The following CHST9 variants were observed in gnomAD, a reference collection of about 807,000 sequenced individuals.
The protein encoded by CHST9 is carbohydrate sulfotransferase 9.
CHST9 carries 41 observed loss-of-function variants against 44.4 expected under a neutral mutation model. The ratio of observed to expected loss-of-function variants is 0.92; its 90% CI spans 0.72 to 1.20. CHST9 has a LOEUF of 1.20. Ranked by LOEUF, CHST9 falls within the 50% of genes most tolerant of loss-of-function variation. CHST9 has a pLI of 0.00. For missense variants in CHST9, 504 were observed against 516.5 expected, an observed-to-expected ratio of 0.98 and a Z score of 0.23; for synonymous variants, 171 against 178.4, an observed-to-expected ratio of 0.96 and a Z score of 0.33.
chr18:27,152,225 T>G (rs575600586), intron 1 of CHST9, among the ~76,000 whole-genome samples: 13 of 152,320 alleles, frequency 8.5e-5, no homozygotes, highest in Admixed American at 3.9e-4. Context: ...GCTGTTGTGA[T>G]TAAGACTTAA....
In CHST9 at chr18:26,908,707, A is replaced by G. The variant is rs1372311783; in HGVS notation, c.*7552T>C. On this transcript the variant is annotated 3_prime_UTR_variant, in exon 6 of 6. Coordinates refer to ENST00000618847, the MANE Select transcript of CHST9 (RefSeq NM_031422.6). ...ACCCACATGAAAGGGCTGTGTTTAT[A>G]TGTCAGAGTCAGTCAAATGTTGGCA... 1 of 152,226 alleles carries G rather than the reference A, an allele frequency of 6.6e-6. No individual in the cohort carries two copies. The highest frequency in any genetic ancestry group is 2.1e-4 in the South Asian group (1 of 4,830). The allele number at this position is 152,226 out of a possible 1,614,324, so 9.4% of individuals were successfully genotyped here.
At chr18:26,947,572 C>T (rs2056182986) in intron 4 of CHST9, among the ~76,000 whole-genome samples, 1 of 151,880 alleles carries the variant, frequency 6.6e-6, no homozygotes, top group South Asian at 2.1e-4. Flanking sequence ...AAAAACAAAC[C>T]CCATCAAAAA....
At chr18:27,012,096 T>C (rs981289919) in intron 4 of CHST9, among the ~76,000 whole-genome samples, 2 of 152,178 alleles carry the variant, frequency 1.3e-5, no homozygotes, top group Non-Finnish European at 2.9e-5. Flanking sequence ...GCCACTAGTA[T>C]GCTCCCAAGT....
chr18:27,014,935 C>T (rs2057133411), intron 4 of CHST9, among the ~76,000 whole-genome samples: 1 of 152,010 alleles, frequency 6.6e-6, no homozygotes, highest in African/African-American at 2.4e-5. Flanking sequence ...ATTTCTTTAT[C>T]AATCCTTAGT....
intron 2 of CHST9, among the ~76,000 whole-genome samples, chr18:27,093,473 A>G (rs928053601): frequency 2.2e-4 from 33 of 152,338 alleles, no homozygotes; most frequent in African/African-American, 7.9e-4. Flanking sequence ...TTCCCCAGCC[A>G]GGCTGCCGTC....
At chr18:27,012,331 T>C (rs2057095211) in intron 4 of CHST9, among the ~76,000 whole-genome samples, 1 of 152,172 alleles carries the variant, frequency 6.6e-6, no homozygotes. Context: ...ATGTTATATA[T>C]GTTATATACT....
chr18:27,062,178 A>G (rs1251483057), intron 2 of CHST9, among the ~76,000 whole-genome samples: 1 of 151,992 alleles, frequency 6.6e-6, no homozygotes, highest in Non-Finnish European at 1.5e-5. Flanking sequence ...TTTTATTATT[A>G]TACTTTAAGT....
intron 4 of CHST9, among the ~76,000 whole-genome samples, chr18:27,015,301 T>C (rs1032024014): frequency 5.2e-4 from 78 of 148,744 alleles, no homozygotes; most frequent in African/African-American, 1.9e-3. Context: ...TTCCGAAGTT[T>C]AAATGATCAC....
chr18:27,110,081 C>T (rs935617359), intron 2 of CHST9, among the ~76,000 whole-genome samples: 1 of 151,528 alleles, frequency 6.6e-6, no homozygotes, highest in South Asian at 2.1e-4. Flanking sequence ...TAAAATAAAT[C>T]CTACTATAAA....
intron 2 of CHST9, among the ~76,000 whole-genome samples, chr18:27,055,359 A>C (rs1041053009): frequency 3.3e-5 from 5 of 152,214 alleles, no homozygotes; most frequent in African/African-American, 1.2e-4. Flanking sequence ...GATAATGAGA[A>C]TCTGTAGTGC....
intron 2 of CHST9, among the ~76,000 whole-genome samples, chr18:27,125,827 T>C (rs532543231): frequency 1.3e-5 from 2 of 152,306 alleles, no homozygotes; most frequent in South Asian, 4.1e-4. Flanking sequence ...ACAAGTACTT[T>C]AGACAACAAC....
intron 4 of CHST9, among the ~76,000 whole-genome samples, chr18:26,962,856 A>ATAGATGG (rs1474478053): frequency 1.3e-5 from 2 of 152,182 alleles, no homozygotes; most frequent in East Asian, 3.8e-4. Flanking sequence ...GTGGTAGGTG[A>ATAGATGG]TAGATGGTAG....
chr18:27,179,456 G>A (rs1188808691), intron 1 of CHST9, among the ~76,000 whole-genome samples: 1 of 151,948 alleles, frequency 6.6e-6, no homozygotes, highest in African/African-American at 2.4e-5. Context: ...AAAAATCTTG[G>A]TTATCTAGCT....
rs572111358 is a variant in CHST9, at chr18:27,036,563, A to G, written c.160+11902T>C. On this transcript the variant is annotated intron_variant, in intron 3 of 5. Coordinates refer to ENST00000618847, the MANE Select transcript of CHST9 (RefSeq NM_031422.6). The stretch of plus-strand genomic sequence containing the variant: ...ACATGCTGAAAAGTTGAAAAGCTTC[A>G]TTTCTTAAGATCATATTTCTCCCAC... Among the ~76,000 whole-genome samples, 8 of 152,272 alleles carry G rather than the reference A, an allele frequency of 5.3e-5. No homozygotes were observed. The South Asian group carries it at 1.7e-3, about 32-fold the overall frequency.
intron 3 of CHST9, among the ~76,000 whole-genome samples, chr18:27,043,057 T>G (rs901763031): frequency 6.6e-6 from 1 of 152,044 alleles, no homozygotes; most frequent in African/African-American, 2.4e-5. Flanking sequence ...CCTTTTAACT[T>G]TCTGTCTTTC....
Position 27,162,496 on chromosome 18 carries a change from T to C in CHST9, c.-96-19591A>G, listed in dbSNP as rs550032545. Among the ~76,000 whole-genome samples the C allele has an allele frequency of 3.9e-5, 6 of 152,322 alleles. No homozygotes were observed. The East Asian group carries it at 1.2e-3, about 29-fold the overall frequency. On this transcript the variant is annotated intron_variant, in intron 1 of 5. Transcript: ENST00000618847. ...GAGATCCGCTGTTAGTCTGATGGGC[T>C]TCCCTTTGTGGGTAACCCAACCTTT...
chr18:26,943,481 C>T (rs1022457008), intron 5 of CHST9, among the ~76,000 whole-genome samples: 1 of 151,912 alleles, frequency 6.6e-6, no homozygotes, highest in African/African-American at 2.4e-5. Context: ...AGATTTACCA[C>T]CCTTCTCTTT....
intron 3 of CHST9, among the ~76,000 whole-genome samples, chr18:27,039,952 G>A (rs2143527050): frequency 6.6e-6 from 1 of 152,188 alleles, no homozygotes; most frequent in African/African-American, 2.4e-5. Flanking sequence ...GTTTGTCTCT[G>A]GATATCAGTG....
chr18:27,113,422 T>C (rs2058292003), intron 2 of CHST9, among the ~76,000 whole-genome samples: 1 of 152,206 alleles, frequency 6.6e-6, no homozygotes, highest in Admixed American at 6.5e-5. Flanking sequence ...TAAAAAACTA[T>C]TAATATGCCT....
Sources: gnomAD v4.1 joint callset for allele counts (sites outside exome capture counted in the v4.1 genomes callset) on GRCh38, gnomAD v4.1.1 for gene constraint, MANE v1.5 for transcripts, NCBI Gene and HGNC (gene_info 2026-07-23, HGNC 2026-07-21) for gene names.